ADAM10: variants seen among roughly 807,000 people sequenced by gnomAD.
The protein encoded by ADAM10 is ADAM metallopeptidase domain 10.
A neutral mutation model predicts 90.1 loss-of-function variants in ADAM10; 17 were observed. That is an observed-to-expected ratio of 0.19 (90% confidence interval 0.13 to 0.28). The LOEUF (loss-of-function observed/expected upper bound fraction) is 0.28. Ranked by LOEUF, ADAM10 falls within the 10% of genes least tolerant of loss-of-function variation. The pLI, the probability that ADAM10 is intolerant of heterozygous loss-of-function variation, is 1.00. For synonymous variants in ADAM10, 310 were observed against 298.6 expected, an observed-to-expected ratio of 1.04 and a Z score of -0.40; for missense variants, 610 against 914.3, an observed-to-expected ratio of 0.67 and a Z score of 4.29.
At chr15:58,749,245 G>A (rs1595678362) in intron 1 of ADAM10, among the ~76,000 whole-genome samples, 2 of 152,170 alleles carry the variant, frequency 1.3e-5, no homozygotes, top group Admixed American at 6.5e-5. Flanking sequence ...CCAGGGCGGT[G>A]GGGGGCGGGG....
Position 58,595,302 on chromosome 15 carries a change from T to C in ADAM10, c.*2245A>G, listed in dbSNP as rs1894921844. 1 of 152,138 alleles carries C rather than the reference T, an allele frequency of 6.6e-6. No individual in the cohort carries two copies. Among genetic ancestry groups the C allele is most frequent in the Non-Finnish European group, 1.5e-5 (1 of 67,978 alleles). 9.4% of individuals were successfully genotyped at this position (152,138 alleles called of 1,614,324 possible). On this transcript the variant is annotated 3_prime_UTR_variant, in exon 16 of 16. Coordinates refer to ENST00000260408, the MANE Select transcript of ADAM10 (RefSeq NM_001110.4). ...TATTAAGAATAAAGATAATCTATAC[T>C]TTTGTAGGAAGAGACAACTGTAAGA...
At chr15:58,735,502 G>A (rs1327199540) in intron 1 of ADAM10, among the ~76,000 whole-genome samples, 5 of 151,912 alleles carry the variant, frequency 3.3e-5, no homozygotes, top group South Asian at 2.1e-4. Flanking sequence ...AAAATGACGC[G>A]GTATTTGCAT....
At chr15:58,644,177 T>C (rs1896488354) in intron 6 of ADAM10, among the ~76,000 whole-genome samples, 199 bp from the exon 7 acceptor site, 1 of 150,608 alleles carries the variant, frequency 6.6e-6, no homozygotes, top group Non-Finnish European at 1.5e-5. Flanking sequence ...TTTTCCAGAC[T>C]CCTCTGGCCA....
chr15:58,666,646 C>A (rs1007415773), intron 4 of ADAM10, among the ~76,000 whole-genome samples: 13 of 151,774 alleles, frequency 8.6e-5, no homozygotes, highest in Non-Finnish European at 2.9e-5. Flanking sequence ...ACTCACTTAC[C>A]ATTGGTTATT....
intron 2 of ADAM10, chr15:58,692,965 T>C (rs4774310): frequency 2.7e-6 from 2 of 738,652 alleles, no homozygotes; most frequent in Non-Finnish European, 5.0e-6. Flanking sequence ...TTCCCGAGGG[T>C]TGGGGATGAT....
intron 1 of ADAM10, among the ~76,000 whole-genome samples, chr15:58,743,178 T>C (rs1899671014): frequency 6.6e-6 from 1 of 152,126 alleles, no homozygotes; most frequent in Admixed American, 6.5e-5. Context: ...GGCCTGCCCC[T>C]GTGATTTTGG....
intron 8 of ADAM10, among the ~76,000 whole-genome samples, chr15:58,636,276 CAA>C (rs1188741361): frequency 2.6e-4 from 22 of 83,460 alleles, no homozygotes; most frequent in Non-Finnish European, 2.7e-4. Flanking sequence ...GACTTCGTTT[CAA>C]AAAAAAAAAA....
At chr15:58,739,299 G>C (rs912393325) in intron 1 of ADAM10, among the ~76,000 whole-genome samples, 27 of 150,616 alleles carry the variant, frequency 1.8e-4, no homozygotes, top group African/African-American at 5.6e-4. Context: ...GAGGTCAGGA[G>C]ATTGAGACCA....
chr15:58,717,672 G>T lies in ADAM10; in HGVS notation c.111C>A (p.Tyr37Ter). The change falls in exon 2 of 16, where the codon TAC (tyrosine) becomes TAA (stop). Residue 37 changes from tyrosine (Y) to a stop codon, truncating the protein, a stop_gained. Transcript: ENST00000260408. LOFTEE classifies it high-confidence loss of function. ...KYIRHYEGLS[Y>*]NVDSLHQKHQ... is the part of the protein sequence containing the mutation. The stretch of plus-strand genomic sequence containing the variant: ...GTTTTTGGTGTAATGAATCCACATT[G>T]TAAGATAATCCTTCATAATGTCTGA... The T allele has an allele frequency of 6.2e-7, 1 of 1,613,492 alleles. No homozygotes were observed. The highest frequency in any genetic ancestry group is 1.1e-5 in the South Asian group (1 of 91,058).
At chr15:58,685,403 C>T (rs1897562426) in intron 2 of ADAM10, among the ~76,000 whole-genome samples, 1 of 151,104 alleles carries the variant, frequency 6.6e-6, no homozygotes, top group Non-Finnish European at 1.5e-5. Flanking sequence ...GCAGAGCTTG[C>T]AGTGAGCCGA....
chr15:58,666,693 A>C (rs528185007), intron 4 of ADAM10, among the ~76,000 whole-genome samples: 1 of 152,274 alleles, frequency 6.6e-6, no homozygotes, highest in South Asian at 2.1e-4. Context: ...TTTATTTAGT[A>C]CATTGTTACT....
intron 15 of ADAM10, among the ~76,000 whole-genome samples, chr15:58,599,046 T>C (rs933280039): frequency 7.9e-5 from 12 of 152,122 alleles, no homozygotes; most frequent in African/African-American, 2.9e-4. Flanking sequence ...ATAAGAGAGC[T>C]GGGTGCAGTG....
At chr15:58,734,945 T>C (rs755254893) in intron 1 of ADAM10, among the ~76,000 whole-genome samples, 1 of 152,186 alleles carries the variant, frequency 6.6e-6, no homozygotes, top group Non-Finnish European at 1.5e-5. Flanking sequence ...CTTCAACCCT[T>C]GTACTGCTTA....
chr15:58,685,545 A>AATATAT (rs56776777), intron 2 of ADAM10, among the ~76,000 whole-genome samples: 2,548 of 115,928 alleles, frequency 0.022, 75 homozygotes, highest in Non-Finnish European at 0.031. Flanking sequence ...TATGAAGGAG[A>AATATAT]ATATATATAT....
At chr15:58,644,090 A>C (rs111834182) in intron 6 of ADAM10, 112 bp from the exon 7 acceptor site, 1 of 790,930 alleles carries the variant, frequency 1.3e-6, no homozygotes. Context: ...TTCAAATTTT[A>C]AAATGTCAAC....
chr15:58,654,272 A>C (rs1896757857), intron 5 of ADAM10, among the ~76,000 whole-genome samples: 1 of 151,992 alleles, frequency 6.6e-6, no homozygotes, highest in African/African-American at 2.4e-5. Flanking sequence ...TGCAAAATGC[A>C]TTGTTAGTGC....
At chr15:58,665,594 G>C (rs1040159449) in intron 4 of ADAM10, among the ~76,000 whole-genome samples, 1 of 151,996 alleles carries the variant, frequency 6.6e-6, no homozygotes, top group African/African-American at 2.4e-5. Context: ...GAGGACTCTA[G>C]CAAATATAAA....
chr15:58,658,220 T>G (rs1596037627), intron 5 of ADAM10, among the ~76,000 whole-genome samples: 1 of 152,024 alleles, frequency 6.6e-6, no homozygotes, highest in Non-Finnish European at 1.5e-5. Flanking sequence ...GAATCTCAAT[T>G]TTTTTTTCAT....
intron 14 of ADAM10, among the ~76,000 whole-genome samples, chr15:58,603,616 T>C (rs985847843): frequency 1.3e-5 from 2 of 152,162 alleles, no homozygotes; most frequent in Admixed American, 6.5e-5. Context: ...ATCAGTGTTA[T>C]GGCTACCTAA....
Sources: allele counts gnomAD v4.1 joint callset (sites outside exome capture counted in the v4.1 genomes callset), GRCh38; gene constraint gnomAD v4.1.1; transcripts MANE v1.5; gene names NCBI Gene and HGNC (gene_info 2026-07-23, HGNC 2026-07-21).